RYR1: variants seen among roughly 807,000 people sequenced by gnomAD.
RYR1 encodes the protein central core disease of muscle.
RYR1 carries 342 observed loss-of-function variants against 583.5 expected under a neutral mutation model. The observed-to-expected ratio is 0.59, with a 90% confidence interval of 0.54 to 0.64. The LOEUF (loss-of-function observed/expected upper bound fraction) is 0.64, where lower values mean the gene tolerates loss of function less well. Among genes scored for constraint, RYR1 ranks in the 30% least tolerant of loss-of-function variants. The pLI is 0.00. For missense variants in RYR1, 6,032 were observed against 6,917.2 expected (o/e 0.87, Z 4.54); for synonymous variants, 2,791 against 2,822.5 (o/e 0.99, Z 0.35).
In RYR1 at chr19:38,473,339, G is replaced by C. The variant is rs201504947; in HGVS notation, c.3766-38G>C. On this transcript the variant is annotated intron_variant, in intron 27 of 105. Coordinates refer to ENST00000359596, the MANE Select transcript of RYR1 (RefSeq NM_000540.3). ...TAGGACCAACGGCCTGGCCTAGCCC[G>C]CCTGCCCAGCCCAGTACTCCATTCC... 6.8e-4 allele frequency: 1,096 copies of C among 1,612,948 alleles called. 4 individuals carry two copies. Among genetic ancestry groups the C allele is most frequent in the Non-Finnish European group, 7.9e-4 (935 of 1,179,658 alleles).
intron 53 of RYR1, 45 bp from the exon 54 acceptor site, chr19:38,505,761 C>T: frequency 4.3e-6 from 7 of 1,613,210 alleles, no homozygotes; most frequent in Non-Finnish European, 5.9e-6. Context: ...CTCCACCCCT[C>T]TCTCATCCCA....
chr19:38,451,360 T>C (rs1967065809), intron 11 of RYR1, among the ~76,000 whole-genome samples: 1 of 151,996 alleles, frequency 6.6e-6, no homozygotes, highest in African/African-American at 2.4e-5. Context: ...GGTCTGGCAT[T>C]CTATCTGGGA....
chr19:38,523,050 A>AATCCCAGC lies in RYR1; in HGVS notation c.10283_10290dup (p.Ala3431IlefsTer43). On this transcript the variant is annotated frameshift_variant, in exon 68 of 106. Coordinates refer to ENST00000359596, the MANE Select transcript of RYR1 (RefSeq NM_000540.3). LOFTEE classifies it high-confidence loss of function. Reference sequence around the variant, plus strand: ...CAGGGCGCAGTGGCTGACGGAGCCGAATCCCAGCGCGGAGGAGCTGTTCAG... The same window carrying AATCCCAGC: ...CAGGGCGCAGTGGCTGACGGAGCCGAATCCCAGCATCCCAGCGCGGAGGAGCTGTTCAG... 6.2e-7 allele frequency: 1 copy of AATCCCAGC among 1,607,212 alleles called. No homozygotes were observed. The highest frequency in any genetic ancestry group is 1.1e-5 in the South Asian group (1 of 90,548).
rs773227453 is a variant in RYR1 at position 38,561,172 on chromosome 19, C to T, written c.12342C>T (p.Ser4114=). The part of the protein sequence containing the change: ...GPEIQFLLSC[S]EADENEMINC... ...AAATCCAGTTCCTGCTTTCGTGCTC[C>T]GAAGCGGATGAGAACGAAATGATCA... Residue 4114 remains serine (S), a synonymous_variant, in exon 90 of 106, where the codon TCC becomes TCT. Coordinates refer to ENST00000359596, the MANE Select transcript of RYR1 (RefSeq NM_000540.3). The surrounding 1 kb of genome is among the most constrained non-coding windows in gnomAD (Gnocchi z 4.8). The T allele has an allele frequency of 3.1e-6, 5 of 1,614,160 alleles. No individual in the cohort carries two copies. Among genetic ancestry groups the T allele is most frequent in the Middle Eastern group, 1.6e-4 (1 of 6,062 alleles).
At chr19:38,520,223 C>T (rs921320353) in intron 67 of RYR1, among the ~76,000 whole-genome samples, 3 of 151,576 alleles carry the variant, frequency 2.0e-5, no homozygotes, top group African/African-American at 7.3e-5. Context: ...TAGACTCACA[C>T]CAACATGCTC....
rs1171597145 is a variant in RYR1 at position 38,478,571 on chromosome 19, A to G, written c.4591A>G (p.Asn1531Asp). The G allele has an allele frequency of 6.2e-7, 1 of 1,613,484 alleles. No homozygotes were observed. The highest frequency in any genetic ancestry group is 1.7e-5 in the Admixed American group (1 of 60,006). The change falls in exon 31 of 106, where the codon AAT becomes GAT. Residue 1531 changes from asparagine to aspartate, a missense_variant. Transcript: ENST00000359596. ...CACTGGCTTAATGACCTTTACAGCCAATGGCAAAGAGAGCAACACCTTTTT... is the reference window on the plus strand; with the variant it reads ...CACTGGCTTAATGACCTTTACAGCCGATGGCAAAGAGAGCAACACCTTTTT... ...LATGLMTFTA[N>D]GKESNTFFQV...
Position 38,433,720 on chromosome 19 carries a change from G to A in RYR1, c.-110G>A, listed in dbSNP as rs1376939012. 1.2e-6 allele frequency: 1 copy of A among 805,828 alleles called. No individual in the cohort carries two copies. Among genetic ancestry groups the A allele is most frequent in the African/African-American group, 1.7e-5 (1 of 59,890 alleles). The allele number at this position is 805,828 out of a possible 1,614,324, so 49.9% of individuals were successfully genotyped here. On this transcript the variant is annotated 5_prime_UTR_variant, in exon 1 of 106. Transcript: ENST00000359596. ...TTCCATCTACCTCGCGGGTGCCTCT[G>A]GTGTCTCCAGAGGTCTCCGACCCCA...
At chr19:38,457,653 C>T in intron 17 of RYR1, 23 bp downstream of exon 17, 3 of 1,612,788 alleles carry the variant, frequency 1.9e-6, no homozygotes, top group Non-Finnish European at 2.5e-6. Context: ...ACATCTGACC[C>T]CAGAACTCAG....
chr19:38,527,588 T>C, intron 72 of RYR1, 59 bp from the exon 73 acceptor site: 1 of 1,607,334 alleles, frequency 6.2e-7, no homozygotes, highest in Non-Finnish European at 8.5e-7. Context: ...AAAGGGGACA[T>C]CCGGCGGACA....
intron 66 of RYR1, among the ~76,000 whole-genome samples, chr19:38,518,942 AGTTAG>A (rs775462041): frequency 9.3e-5 from 14 of 151,168 alleles, no homozygotes; most frequent in Admixed American, 6.6e-4. Context: ...AAAAAAAAAA[AGTTAG>A]GTAACAGGTG....
chr19:38,459,095 T>C, intron 18 of RYR1, 51 bp from the exon 19 acceptor site: 1 of 1,488,218 alleles, frequency 6.7e-7, no homozygotes, highest in Non-Finnish European at 9.4e-7. Context: ...CTTGTTATCA[T>C]TGGTTCTGTG....
In RYR1 at chr19:38,506,943, C is replaced by T. The variant is rs1970481645; in HGVS notation, c.8807C>T (p.Ala2936Val). Residue 2936 changes from alanine to valine, a missense_variant, in exon 57 of 106, where the codon GCG becomes GTG. Ala to Val is a moderately conservative substitution (Grantham distance 64). Coordinates refer to ENST00000359596, the MANE Select transcript of RYR1 (RefSeq NM_000540.3). ...AAATTCCTGCAGATGAATGGCTACG[C>T]GGTTACAAGGCACGCGGGTTGGGGC... ...LLKFLQMNGY[A>V]VTRGLKDMEL... 4 of 1,612,626 alleles carry T rather than the reference C, an allele frequency of 2.5e-6. No homozygotes were observed. Among genetic ancestry groups the T allele is most frequent in the East Asian group, 2.2e-5 (1 of 44,844 alleles).
Position 38,490,751 on chromosome 19 carries a change from A to G in RYR1, c.6127+19A>G. ...CACTGTGGTAAGGAGTGGGGATCAG[A>G]GAGTCCTCCCCATGCTAACTTTCTC... On this transcript the variant is annotated intron_variant, in intron 37 of 105. Coordinates refer to ENST00000359596, the MANE Select transcript of RYR1 (RefSeq NM_000540.3). The G allele has an allele frequency of 6.7e-7, 1 of 1,501,352 alleles. No individual in the cohort carries two copies. Among genetic ancestry groups the G allele is most frequent in the South Asian group, 1.1e-5 (1 of 88,836 alleles). The allele number at this position is 1,501,352 out of a possible 1,614,324, so 93.0% of individuals were successfully genotyped here.
Position 38,581,267 on chromosome 19 carries a change from C to T in RYR1, c.14646+763C>T, listed in dbSNP as rs375038054. Among the ~76,000 whole-genome samples the T allele has an allele frequency of 3.1e-3, 471 of 152,150 alleles. 10 individuals carry two copies. The South Asian group carries it at 0.046, about 15-fold the overall frequency. On this transcript the variant is annotated intron_variant, in intron 101 of 105. Transcript: ENST00000359596. ...AAATTTTTTGTATTTTTAGTAGAGC[C>T]GGGGTTTCACCATGTTAGCCAGGAT... is the stretch of plus-strand genomic sequence containing the variant.
At chr19:38,513,747 A>T (rs1460406243) in intron 63 of RYR1, among the ~76,000 whole-genome samples, 1 of 152,104 alleles carries the variant, frequency 6.6e-6, no homozygotes, top group African/African-American at 2.4e-5. Flanking sequence ...AAAAAAAAAA[A>T]AGAAAATTGT....
At chr19:38,577,895 C>T (rs1312790509) in intron 97 of RYR1, 23 bp from the exon 98 acceptor site, 2 of 1,614,030 alleles carry the variant, frequency 1.2e-6, no homozygotes, top group South Asian at 1.1e-5. Flanking sequence ...TGTGTCTACA[C>T]AGCCTGATGC....
At chr19:38,528,160 C>T (rs965604120) in intron 73 of RYR1, 146 bp from the exon 74 acceptor site, 1 of 741,332 alleles carries the variant, frequency 1.3e-6, no homozygotes, top group African/African-American at 1.7e-5. Flanking sequence ...AGGACCCTGA[C>T]TCTGTTGGTG....
intron 21 of RYR1, 85 bp downstream of exon 21, chr19:38,463,612 G>A: frequency 6.8e-7 from 1 of 1,476,384 alleles, no homozygotes; most frequent in Non-Finnish European, 9.5e-7. Flanking sequence ...AGAGGAGGGA[G>A]GGACCACAGG....
chr19:38,539,243 T>C lies in RYR1; in HGVS notation c.11689+1283T>C, dbSNP rs1016304955. Reference sequence around the variant, plus strand: ...CCATGGGACTAAGATTTTTTCTTTTTTTTTTTTTTTTTTTTAGACAGAGTC... The same window carrying C: ...CCATGGGACTAAGATTTTTTCTTTTCTTTTTTTTTTTTTTTAGACAGAGTC... On this transcript the variant is annotated intron_variant, in intron 84 of 105. Coordinates refer to ENST00000359596, the MANE Select transcript of RYR1 (RefSeq NM_000540.3). Among the ~76,000 whole-genome samples the C allele has an allele frequency of 1.5e-4, 23 of 149,532 alleles. No homozygotes were observed. In the South Asian group the frequency reaches 1.7e-3, roughly 11 times the overall value.
Sources: gnomAD v4.1 joint callset for allele counts (sites outside exome capture counted in the v4.1 genomes callset) on GRCh38, gnomAD v4.1.1 for gene constraint, Gnocchi (gnomAD v3.1) non-coding constraint, MANE v1.5 for transcripts, NCBI Gene and HGNC (gene_info 2026-07-23, HGNC 2026-07-21) for gene names.